The following DIAPH3 variants were observed in gnomAD, a reference collection of about 807,000 sequenced individuals.
The protein encoded by DIAPH3 is protein diaphanous homolog 3.
In DIAPH3, 117 loss-of-function variants were observed where a neutral mutation model predicts 144.3. The observed-to-expected ratio is 0.81, with a 90% CI of 0.70 to 0.95. The LOEUF is 0.95. Ranked by LOEUF, DIAPH3 falls within the 40% of genes least tolerant of loss-of-function variation. The pLI is 0.00. For synonymous variants in DIAPH3, 519 were observed against 488.9 expected (o/e 1.06, Z -0.81); for missense variants, 1,421 against 1,412.7 (o/e 1.01, Z -0.09).
rs181954642 is a variant in DIAPH3, at chr13:59,811,080, G to T, written c.3028-157C>A. Among the ~76,000 whole-genome samples, 105 of 152,208 alleles carry T rather than the reference G, an allele frequency of 6.9e-4. 1 individual carries two copies. Among genetic ancestry groups the T allele is most frequent in the Non-Finnish European group, 4.4e-5 (3 of 68,012 alleles). ...TACAGTCTTCTAAAAGGTATGCACA[G>T]AAACCCTTGTTAACTATGTTATGTA... On this transcript the variant is annotated intron_variant, in intron 24 of 27. Transcript: ENST00000400324.
intron 19 of DIAPH3, among the ~76,000 whole-genome samples, chr13:59,914,054 A>G (rs1593958358): frequency 6.6e-6 from 1 of 152,282 alleles, no homozygotes; most frequent in South Asian, 2.1e-4. Context: ...ATGAATTAAT[A>G]AATGACTGAT....
chr13:59,835,781 T>C (rs2042015956), intron 23 of DIAPH3, among the ~76,000 whole-genome samples: 1 of 151,828 alleles, frequency 6.6e-6, no homozygotes. Context: ...ATTCCAATCT[T>C]CTATTTTACT....
chr13:59,949,866 T>G (rs1172896585), intron 17 of DIAPH3, among the ~76,000 whole-genome samples: 2 of 152,134 alleles, frequency 1.3e-5, no homozygotes, highest in Non-Finnish European at 2.9e-5. Context: ...TGCTCTGCTT[T>G]CTTCCCAAAA....
chr13:59,712,972 T>G (rs1208551296), intron 27 of DIAPH3, among the ~76,000 whole-genome samples: 2 of 152,172 alleles, frequency 1.3e-5, no homozygotes, highest in Non-Finnish European at 2.9e-5. Flanking sequence ...ATATCTCGCA[T>G]GCGCAGTTCA....
chr13:59,730,440 T>G (rs2035841677), intron 27 of DIAPH3, among the ~76,000 whole-genome samples: 1 of 152,110 alleles, frequency 6.6e-6, no homozygotes. Context: ...GGAAATACAA[T>G]AAACTGAGAA....
intron 25 of DIAPH3, among the ~76,000 whole-genome samples, chr13:59,786,748 T>A (rs534263443): frequency 1.3e-5 from 2 of 152,280 alleles, no homozygotes; most frequent in African/African-American, 4.8e-5. Context: ...TAAGAAGCTC[T>A]GTGTGTATGT....
intron 24 of DIAPH3, among the ~76,000 whole-genome samples, chr13:59,815,021 T>C (rs2040692975): frequency 6.6e-6 from 1 of 152,202 alleles, no homozygotes; most frequent in South Asian, 2.1e-4. Flanking sequence ...AGAATTTCCA[T>C]TTTTTCATTT....
chr13:59,971,190 T>A, intron 15 of DIAPH3, 30 bp from the exon 16 acceptor site: 12 of 1,545,170 alleles, frequency 7.8e-6, no homozygotes, highest in Non-Finnish European at 1.1e-5. Context: ...GAGACATAAC[T>A]AAGAACATAT....
chr13:59,891,148 A>T (rs1331831936), intron 20 of DIAPH3, among the ~76,000 whole-genome samples: 2 of 152,112 alleles, frequency 1.3e-5, no homozygotes, highest in African/African-American at 2.4e-5. Context: ...TGAAGAGTAC[A>T]GAAAAATGAT....
intron 7 of DIAPH3, among the ~76,000 whole-genome samples, chr13:60,011,395 C>T (rs541401636): frequency 8.4e-4 from 127 of 151,924 alleles, no homozygotes; most frequent in African/African-American, 2.9e-3. Context: ...AGCAAACACA[C>T]AGATCAACAC....
intron 3 of DIAPH3, among the ~76,000 whole-genome samples, chr13:60,102,273 C>G (rs528193151): frequency 3.4e-4 from 51 of 152,122 alleles, no homozygotes; most frequent in Non-Finnish European, 5.4e-4. Flanking sequence ...AATATGTAAG[C>G]AAGTTAATCT....
At chr13:59,948,640 G>T (rs1762908830) in intron 17 of DIAPH3, among the ~76,000 whole-genome samples, 1 of 151,958 alleles carries the variant, frequency 6.6e-6, no homozygotes, top group Non-Finnish European at 1.5e-5. Flanking sequence ...TATATGTTGG[G>T]TGTTTGTTTT....
At chr13:59,920,378 G>A (rs1055865680) in intron 18 of DIAPH3, among the ~76,000 whole-genome samples, 4 of 151,602 alleles carry the variant, frequency 2.6e-5, no homozygotes, top group Non-Finnish European at 5.9e-5. Context: ...CATGAAAACC[G>A]AAAAAGAACA....
chr13:59,926,845 T>C (rs1409947073), intron 17 of DIAPH3, among the ~76,000 whole-genome samples: 1 of 152,220 alleles, frequency 6.6e-6, no homozygotes, highest in Non-Finnish European at 1.5e-5. Context: ...ATTAGATTCA[T>C]TTGGTCTACA....
intron 4 of DIAPH3, among the ~76,000 whole-genome samples, chr13:60,074,360 T>G (rs758734290): frequency 6.6e-6 from 1 of 152,154 alleles, no homozygotes; most frequent in Non-Finnish European, 1.5e-5. Flanking sequence ...ACTGGATTAT[T>G]TTAGGCTAAA....
intron 4 of DIAPH3, among the ~76,000 whole-genome samples, chr13:60,043,129 C>G (rs898100306): frequency 2.6e-5 from 4 of 152,030 alleles, no homozygotes; most frequent in Non-Finnish European, 4.4e-5. Flanking sequence ...TATTTTTAGG[C>G]ACACACAAAA....
chr13:60,144,161 TATCA>T (rs947602808), intron 1 of DIAPH3, among the ~76,000 whole-genome samples: 3 of 152,160 alleles, frequency 2.0e-5, no homozygotes, highest in Admixed American at 6.5e-5. Flanking sequence ...AGGCAGTGGT[TATCA>T]ACCTGACTAC....
intron 5 of DIAPH3, among the ~76,000 whole-genome samples, chr13:60,028,988 G>A (rs1436131589): frequency 1.3e-5 from 2 of 151,960 alleles, no homozygotes; most frequent in African/African-American, 2.4e-5. Context: ...GAACCCAGGA[G>A]GCGGAGGTTG....
chr13:59,909,241 C>T lies in DIAPH3; in HGVS notation c.2367+2494G>A, dbSNP rs542166353. On this transcript the variant is annotated intron_variant, in intron 20 of 27. Transcript: ENST00000400324. ...ATTGATAATGTTGATAAACTGAAAA[C>T]ACATCATTCTTTAGTAAGTTAGCAA... Among the ~76,000 whole-genome samples, 10 of 151,988 alleles carry T rather than the reference C, an allele frequency of 6.6e-5. No homozygotes were observed. The South Asian group carries it at 1.2e-3, about 19-fold the overall frequency.
Sources: allele counts gnomAD v4.1 joint callset (sites outside exome capture counted in the v4.1 genomes callset), GRCh38; gene constraint gnomAD v4.1.1; transcripts MANE v1.5; gene names NCBI Gene and HGNC (gene_info 2026-07-23, HGNC 2026-07-21).